Variants in YBEY observed in about 807,000 individuals in gnomAD.
YBEY encodes the protein endoribonuclease YbeY.
In YBEY, 15 loss-of-function variants were observed where a neutral mutation model predicts 13.5. The ratio of observed to expected loss-of-function variants is 1.11; its 90% CI spans 0.75 to 1.72. The LOEUF is 1.72. Ranked by LOEUF, YBEY falls within the 40% of genes most tolerant of loss-of-function variation. YBEY has a pLI of 0.00. For synonymous variants in YBEY, 101 were observed against 83.1 expected, an observed-to-expected ratio of 1.21 and a Z score of -1.17; for missense variants, 244 against 208.4, an observed-to-expected ratio of 1.17 and a Z score of -1.05.
Position 46,296,176 on chromosome 21 carries a change from C to G in YBEY, c.354C>G (p.His118Gln), listed in dbSNP as rs556191167. 2 of 1,613,832 alleles carry G rather than the reference C, an allele frequency of 1.2e-6. No homozygotes were observed. Among genetic ancestry groups the G allele is most frequent in the East Asian group, 2.2e-5 (1 of 44,858 alleles). Reference protein sequence around the residue: ...YNDVLTVTATHGLCHLLGFTH... With the variant: ...YNDVLTVTATQGLCHLLGFTH... ...TATTCTGACAGGTGACGGCCACCCA[C>G]GGACTCTGTCACTTGCTGGGATTCA... Residue 118 changes from histidine (H) to glutamine (Q), a missense_variant, in exon 4 of 5, where the codon CAC (histidine) becomes CAG (glutamine). Physicochemically the swap from His to Gln is conservative, Grantham distance 24 (BLOSUM62 0). Coordinates refer to ENST00000397701, the MANE Select transcript of YBEY (RefSeq NM_001314025.2).
At chr21:46,308,113 C>T in the YBEY span, among the ~76,000 whole-genome samples, 1 of 151,970 alleles carries the variant, frequency 6.6e-6, no homozygotes, top group Non-Finnish European at 1.5e-5. Context: ...CCTACCTCAG[C>T]CTCCCGAGCA....
At chr21:46,301,834 G>T, downstream of YBEY, 1 of 1,266,948 alleles carries the variant, frequency 7.9e-7, no homozygotes, top group Non-Finnish European at 9.9e-7. Context: ...CAGAAAGCGA[G>T]CCTGCCCAGC....
At chr21:46,288,912 T>C (rs2081581815) in intron 2 of YBEY, among the ~76,000 whole-genome samples, 1 of 152,044 alleles carries the variant, frequency 6.6e-6, no homozygotes, top group African/African-American at 2.4e-5. Context: ...TCGTCCCAGC[T>C]ACTCAGGAGG....
At chr21:46,298,099 T>G (rs1601608919), downstream of YBEY, among the ~76,000 whole-genome samples, 1 of 152,218 alleles carries the variant, frequency 6.6e-6, no homozygotes, top group African/African-American at 2.4e-5. Flanking sequence ...CCCCGGGGCC[T>G]CCCGGCCACG....
At chr21:46,311,320 A>T in the YBEY span, 2 of 447,964 alleles carry the variant, frequency 4.5e-6, no homozygotes, top group Non-Finnish European at 8.1e-6. Flanking sequence ...TTATATAAGG[A>T]TTTCTTAAAG....
chr21:46,301,510 T>G (rs967819486), downstream of YBEY: 7 of 984,828 alleles, frequency 7.1e-6, no homozygotes, highest in East Asian at 1.1e-4. Flanking sequence ...AATTAGACTT[T>G]GTGGTATTTT....
chr21:46,304,020 G>GTTTT, the YBEY span, among the ~76,000 whole-genome samples: 7 of 44,606 alleles, frequency 1.6e-4, no homozygotes, highest in Non-Finnish European at 2.1e-4. Flanking sequence ...CAAAGTGCTG[G>GTTTT]TTTTTTTTTT....
chr21:46,299,758 C>A (rs1186224277), downstream of YBEY, among the ~76,000 whole-genome samples: 4 of 150,970 alleles, frequency 2.6e-5, no homozygotes, highest in African/African-American at 4.9e-5. Context: ...GAGCCCCCCC[C>A]ACCACAGGCA....
At chr21:46,301,167 G>T, downstream of YBEY, 1 of 800,590 alleles carries the variant, frequency 1.2e-6, no homozygotes, top group Non-Finnish European at 1.5e-6. Context: ...TTTGAGACAG[G>T]GGCCTGCTCT....
At chr21:46,295,737 T>C (rs1366365130) in intron 3 of YBEY, among the ~76,000 whole-genome samples, 1 of 152,012 alleles carries the variant, frequency 6.6e-6, no homozygotes, top group African/African-American at 2.4e-5. Context: ...TGACTGGGGG[T>C]TGGACCTGGG....
At chr21:46,298,294 AC>A (rs1569107028), downstream of YBEY, among the ~76,000 whole-genome samples, 1 of 152,158 alleles carries the variant, frequency 6.6e-6, no homozygotes, top group Admixed American at 6.5e-5. Flanking sequence ...CCCCTTGGGA[AC>A]ACGGGCCAGG....
intron 4 of YBEY, among the ~76,000 whole-genome samples, chr21:46,296,926 G>A (rs866088622): frequency 1.3e-5 from 2 of 151,732 alleles, no homozygotes; most frequent in African/African-American, 2.4e-5. Context: ...CCCAGGAGGC[G>A]GAGGTTGTGG....
the YBEY span, among the ~76,000 whole-genome samples, chr21:46,312,327 T>G: frequency 6.6e-6 from 1 of 150,694 alleles, no homozygotes; most frequent in Non-Finnish European, 1.5e-5. Flanking sequence ...GGTGTTTTTG[T>G]TTTTTTTTGA....
In YBEY at chr21:46,286,951, C is replaced by G. The variant is rs1246115246; in HGVS notation, c.38C>G (p.Pro13Arg). 21 of 1,613,912 alleles carry G rather than the reference C, an allele frequency of 1.3e-5. No individual in the cohort carries two copies. The highest frequency in any genetic ancestry group is 1.8e-5 in the Non-Finnish European group (21 of 1,179,998). The change falls in exon 2 of 5, where the codon CCC (proline) becomes CGC (arginine). Residue 13 changes from proline (P) to arginine (R), a missense_variant. Physicochemically the swap from Pro to Arg is moderately radical, Grantham distance 103 (BLOSUM62 -2). Coordinates refer to ENST00000397701, the MANE Select transcript of YBEY (RefSeq NM_001314025.2). ...ATTAGAAATCTGCAGCGAGTCATCCCCATCAGGAGAGCGCCACTTCGCAGT... is the reference window on the plus strand; with the variant it reads ...ATTAGAAATCTGCAGCGAGTCATCCGCATCAGGAGAGCGCCACTTCGCAGT... ...LVIRNLQRVI[P>R]IRRAPLRSKI...
At chr21:46,288,026 G>A (rs1304419609) in intron 2 of YBEY, among the ~76,000 whole-genome samples, 1 of 147,618 alleles carries the variant, frequency 6.8e-6, no homozygotes, top group Admixed American at 6.8e-5. Context: ...AAAAAAAAAA[G>A]AAAAGAAAAA....
chr21:46,300,752 G>C (rs1167181522), downstream of YBEY: 1 of 1,289,288 alleles, frequency 7.8e-7, no homozygotes, highest in East Asian at 5.5e-5. Flanking sequence ...CACTGGGACA[G>C]GGTTCCTCCT....
chr21:46,296,345 G>A, intron 4 of YBEY, 115 bp downstream of exon 4: 3 of 1,120,946 alleles, frequency 2.7e-6, no homozygotes, highest in Non-Finnish European at 3.9e-6. Flanking sequence ...CTGGACCTCA[G>A]ACCTGCCCTT....
chr21:46,290,882 C>T (rs2081670659), intron 2 of YBEY, among the ~76,000 whole-genome samples: 1 of 151,748 alleles, frequency 6.6e-6, no homozygotes, highest in Non-Finnish European at 1.5e-5. Flanking sequence ...CCAGTCTCTA[C>T]TAAAAATACA....
chr21:46,299,752 C>A (rs950464676), downstream of YBEY, among the ~76,000 whole-genome samples: 4 of 150,648 alleles, frequency 2.7e-5, no homozygotes, highest in East Asian at 1.9e-4. Context: ...TGCCCTGAGC[C>A]CCCCCCACCA....
Sources: allele counts gnomAD v4.1 joint callset (sites outside exome capture counted in the v4.1 genomes callset), GRCh38; gene constraint gnomAD v4.1.1; transcripts MANE v1.5; gene names NCBI Gene and HGNC (gene_info 2026-07-23, HGNC 2026-07-21).